HIP1: variants seen among roughly 807,000 people sequenced by gnomAD.
HIP1 encodes the protein huntingtin-interacting protein 1.
HIP1 carries 65 observed loss-of-function variants against 147.6 expected under a neutral mutation model. That is an observed-to-expected ratio of 0.44 (90% CI 0.36 to 0.54). The LOEUF is 0.54. Among genes scored for constraint, HIP1 ranks in the 20% least tolerant of loss-of-function variants. The probability of loss-of-function intolerance (pLI) is 0.00; values close to 1 mark genes in which losing one functional copy is unlikely to be tolerated. For missense variants in HIP1, 1,061 were observed against 1,299.6 expected (o/e 0.82, Z 2.82); for synonymous variants, 479 against 504.0 (o/e 0.95, Z 0.67).
intron 21 of HIP1, among the ~76,000 whole-genome samples, 167 bp downstream of exon 21, chr7:75,553,946 T>C (rs1224097277): frequency 2.6e-5 from 4 of 152,178 alleles, no homozygotes; most frequent in Non-Finnish European, 4.4e-5. Context: ...GGTTTTGCCA[T>C]GTTGGCCAGG....
chr7:75,565,491 C>T (rs587691682), intron 9 of HIP1, among the ~76,000 whole-genome samples: 1 of 152,326 alleles, frequency 6.6e-6, no homozygotes, highest in South Asian at 2.1e-4. Context: ...TCAAATGGAA[C>T]AGGGGTACCA....
chr7:75,729,531 T>G (rs571097660), intron 1 of HIP1, among the ~76,000 whole-genome samples: 1 of 151,678 alleles, frequency 6.6e-6, no homozygotes, highest in African/African-American at 2.4e-5. Context: ...CACGCCTGTA[T>G]TCCCAGTACT....
intron 1 of HIP1, among the ~76,000 whole-genome samples, chr7:75,646,499 T>C (rs1445865657): frequency 6.6e-6 from 1 of 152,270 alleles, no homozygotes; most frequent in African/African-American, 2.4e-5. Context: ...ATTCTGCCTG[T>C]GCTGTCCTCT....
chr7:75,613,544 G>T (rs782048162), intron 1 of HIP1, among the ~76,000 whole-genome samples: 1 of 151,962 alleles, frequency 6.6e-6, no homozygotes, highest in South Asian at 2.1e-4. Flanking sequence ...CTTCTCATCC[G>T]CCTTTGGTCC....
chr7:75,684,153 A>G (rs1380546614), intron 1 of HIP1, among the ~76,000 whole-genome samples: 3 of 151,946 alleles, frequency 2.0e-5, no homozygotes, highest in Non-Finnish European at 4.4e-5. Context: ...TAAACAAAAA[A>G]CCACACAAAA....
Position 75,612,097 on chromosome 7 carries a change from C to T in HIP1, c.121-12850G>A, listed in dbSNP as rs587764868. On this transcript the variant is annotated intron_variant, in intron 1 of 30. Coordinates refer to ENST00000336926, the MANE Select transcript of HIP1 (RefSeq NM_005338.7). ...AAGGCCAGGCTGGCTCACAAAGGTC[C>T]CACGGCAGGAGCAGGCACGGGGATG... is the stretch of plus-strand genomic sequence containing the variant. Among the ~76,000 whole-genome samples the T allele has an allele frequency of 1.3e-4, 20 of 152,334 alleles. 1 individual carries two copies. In the South Asian group the frequency reaches 3.5e-3, roughly 27 times the overall value.
chr7:75,692,419 C>A (rs1347623411), intron 1 of HIP1, among the ~76,000 whole-genome samples: 1 of 116,490 alleles, frequency 8.6e-6, no homozygotes, highest in Non-Finnish European at 1.7e-5. Flanking sequence ...ACTGCCATAC[C>A]TGGCTAATTT....
At chr7:75,616,012 G>A (rs1797639995) in intron 1 of HIP1, among the ~76,000 whole-genome samples, 1 of 147,762 alleles carries the variant, frequency 6.8e-6, no homozygotes. Flanking sequence ...CTTGAACCTG[G>A]GATGTGGAGG....
At chr7:75,614,826 T>G (rs587772004) in intron 1 of HIP1, among the ~76,000 whole-genome samples, 13 of 152,110 alleles carry the variant, frequency 8.5e-5, no homozygotes, top group African/African-American at 2.9e-4. Context: ...CAGGCTGGAG[T>G]GCAGTGGCGC....
At chr7:75,563,351 C>T in intron 9 of HIP1, 88 bp from the exon 10 acceptor site, 7 of 1,136,226 alleles carry the variant, frequency 6.2e-6, no homozygotes, top group South Asian at 1.3e-5. Context: ...TTCCTGCCCC[C>T]TCCCCAGCCC....
intron 5 of HIP1, among the ~76,000 whole-genome samples, chr7:75,585,441 G>T (rs1388747224): frequency 2.0e-5 from 3 of 152,084 alleles, no homozygotes; most frequent in African/African-American, 7.3e-5. Flanking sequence ...CTCCTGAAAT[G>T]CTGGGATGAC....
intron 1 of HIP1, among the ~76,000 whole-genome samples, chr7:75,694,677 T>C (rs1235888075): frequency 1.1e-4 from 3 of 27,862 alleles, no homozygotes; most frequent in Admixed American, 4.0e-4. Flanking sequence ...ACCTGGCTAC[T>C]TTTTTTTTTT....
intron 2 of HIP1, among the ~76,000 whole-genome samples, chr7:75,596,959 G>A (rs59799982): frequency 0.036 from 5,415 of 152,224 alleles, 333 homozygotes; most frequent in African/African-American, 0.12. Flanking sequence ...TTATCAGATT[G>A]ATCACAAATT....
At chr7:75,697,997 A>T (rs1039835175) in intron 1 of HIP1, among the ~76,000 whole-genome samples, 45 of 152,130 alleles carry the variant, frequency 3.0e-4, no homozygotes, top group Admixed American at 1.5e-3. Flanking sequence ...ATTTAAAAAA[A>T]TTTTTTTGTA....
At chr7:75,597,137 G>C (rs1405948946) in intron 2 of HIP1, among the ~76,000 whole-genome samples, 3 of 152,204 alleles carry the variant, frequency 2.0e-5, no homozygotes, top group African/African-American at 7.2e-5. Context: ...GCAAGATCTA[G>C]CTAGGCTCGC....
At position 75,537,653 on chromosome 7, in the gene HIP1, G is replaced by T. The variant is rs370447303; in HGVS notation, c.*519C>A. ...CTCCTGCCGTCCTTCTGACTGTGCA[G>T]ATCTCAGGGTAGTGTCCTGGTTTGG... On this transcript the variant is annotated 3_prime_UTR_variant, in exon 31 of 31. Transcript: ENST00000336926. 47 of 236,602 alleles carry T rather than the reference G, an allele frequency of 2.0e-4. No individual in the cohort carries two copies. The highest frequency in any genetic ancestry group is 9.5e-4 in the African/African-American group (43 of 45,440). 14.7% of individuals were successfully genotyped at this position (236,602 alleles called of 1,614,324 possible).
At position 75,575,665 on chromosome 7, in the gene HIP1, T is replaced by A. The variant is rs1046711244; in HGVS notation, c.605-1764A>T. 3.3e-5 allele frequency among the ~76,000 whole-genome samples: 5 copies of A among 152,100 alleles called. No homozygotes were observed. In the South Asian group the frequency reaches 1.0e-3, roughly 31 times the overall value. On this transcript the variant is annotated intron_variant, in intron 7 of 30. Transcript: ENST00000336926. ...TGGGGCTCCCTCCACACTAACCTCC[T>A]GCCCCCCATCCTAGACCAAGCAACT...
At position 75,592,524 on chromosome 7, in the gene HIP1, G is replaced by T; in HGVS notation, c.185-10C>A. 1.2e-6 allele frequency: 2 copies of T among 1,607,628 alleles called. No individual in the cohort carries two copies. Among genetic ancestry groups the T allele is most frequent in the Non-Finnish European group, 8.5e-7 (1 of 1,178,562 alleles). ...GTGCCCAGTATGCACGGTGAGGGGG[G>T]GTTATGGAAAACAACGGATGGGCTC... On this transcript the variant is annotated splice_polypyrimidine_tract_variant and intron_variant, in intron 2 of 30. Transcript: ENST00000336926.
chr7:75,607,529 TA>T (rs140305342), intron 1 of HIP1, among the ~76,000 whole-genome samples: 44,195 of 107,258 alleles, frequency 0.41, 8,257 homozygotes, highest in Non-Finnish European at 0.47. Flanking sequence ...ATGCCCAGCC[TA>T]AAAAAAAAAA....
Sources: allele counts gnomAD v4.1 joint callset (sites outside exome capture counted in the v4.1 genomes callset), GRCh38; gene constraint gnomAD v4.1.1; transcripts MANE v1.5; gene names NCBI Gene and HGNC (gene_info 2026-07-23, HGNC 2026-07-21).